KCNJ11: variants seen among roughly 807,000 people sequenced by gnomAD.
KCNJ11 encodes ATP-sensitive inward rectifier potassium channel 11.
KCNJ11 carries 12 observed loss-of-function variants against 17.3 expected under a neutral mutation model. The ratio of observed to expected loss-of-function variants is 0.69; its 90% confidence interval spans 0.44 to 1.12. The LOEUF (loss-of-function observed/expected upper bound fraction) is 1.12. Among genes scored for constraint, KCNJ11 ranks in the 50% most tolerant of loss-of-function variants. The probability of loss-of-function intolerance (pLI) is 0.00; values close to 1 mark genes in which losing one functional copy is unlikely to be tolerated. For missense variants in KCNJ11, 386 were observed against 554.1 expected, an observed-to-expected ratio of 0.70 and a Z score of 3.05; for synonymous variants, 211 against 223.4, an observed-to-expected ratio of 0.94 and a Z score of 0.50.
rs1372351727 is a variant in KCNJ11 at position 17,388,351 on chromosome 11, G to A, written c.-260C>T. The A allele has an allele frequency of 1.9e-6, 1 of 533,270 alleles. No homozygotes were observed. The allele number at this position is 533,270 out of a possible 1,614,324, so 33.0% of individuals were successfully genotyped here. A position where few individuals can be genotyped will look rare whatever the true frequency, so the allele number is the denominator to read the frequency against. ...AATCCCAGTACGTTGGGAGGCTGAG[G>A]AGGGCAGATCACTAGGTCAGGAGTT... On this transcript the variant is annotated 5_prime_UTR_variant, in exon 1 of 1. Transcript: ENST00000339994.
rs1429788186 is a variant in KCNJ11 at position 17,385,312 on chromosome 11, AT to A, written c.*1606del. 1.3e-5 allele frequency among the ~76,000 whole-genome samples: 2 copies of A among 152,242 alleles called. No homozygotes were observed. Among genetic ancestry groups the A allele is most frequent in the Non-Finnish European group, 2.9e-5 (2 of 68,044 alleles). On this transcript the variant is annotated 3_prime_UTR_variant, in exon 1 of 1. Transcript: ENST00000339994. Reference sequence around the variant, plus strand: ...TTCAGCAGCAATCACAATAGTTAACATTTATTGAGCACTTACTGTAGACCAG... The same window carrying A: ...TTCAGCAGCAATCACAATAGTTAACATTATTGAGCACTTACTGTAGACCAG...
rs770408379 is a variant in KCNJ11, at chr11:17,387,075, C to A, written c.1017G>T (p.Val339=). 65 of 1,614,086 alleles carry A rather than the reference C, an allele frequency of 4.0e-5. No homozygotes were observed. The African/African-American group carries it at 7.2e-4, about 18-fold the overall frequency. Residue 339 remains valine (V), a synonymous_variant, in exon 1 of 1, where the codon GTG becomes GTT. Coordinates refer to ENST00000339994, the MANE Select transcript of KCNJ11 (RefSeq NM_000525.4). The part of the protein sequence containing the change: ...DYSKFGNTVK[V]PTPLCTARQL... ...GGCGGGCCGTGCAGAGTGGTGTGGG[C>A]ACTTTGACGGTGTTGCCAAACTTGG... is the stretch of plus-strand genomic sequence containing the variant.
chr11:17,386,921 A>G lies in KCNJ11; in HGVS notation c.1171T>C (p.Ter391ArgextTer93). 1.2e-6 allele frequency: 2 copies of G among 1,611,774 alleles called. No individual in the cohort carries two copies. The highest frequency in any genetic ancestry group is 1.7e-6 in the Non-Finnish European group (2 of 1,178,876). The change falls in exon 1 of 1, where the codon TGA (stop) becomes CGA (arginine). Residue 391 changes from the stop codon to arginine, a stop_lost. Transcript: ENST00000339994. ...KFSISPDSLS[*>R] ...TGGGGGGCCCGAGAGACCATGGCTC[A>G]GGACAGGGAATCTGGAGAGATGCTG...
At chr11:17,388,829 C>T, upstream of KCNJ11, 1 of 456,242 alleles carries the variant, frequency 2.2e-6, no homozygotes, top group Non-Finnish European at 4.4e-6. Flanking sequence ...ACCTCCGGGT[C>T]TCCCGCCTCA....
rs1014454531 is a variant in KCNJ11 at position 17,387,790 on chromosome 11, G to T, written c.302C>A (p.Ala101Asp). 1.8e-5 allele frequency: 29 copies of T among 1,614,012 alleles called. No individual in the cohort carries two copies. In the Admixed American group the frequency reaches 3.8e-4, roughly 21 times the overall value. ...GGGCTCAGCAGTGCCCTCGCTGGGG[G>T]CCAGGTCACCGTGGGCGAAGGCGAT... ...WLIAFAHGDL[A>D]PSEGTAEPCV... The change falls in exon 1 of 1, where the codon GCC becomes GAC. Residue 101 changes from alanine to aspartate, a missense_variant. Coordinates refer to ENST00000339994, the MANE Select transcript of KCNJ11 (RefSeq NM_000525.4).
In KCNJ11 at chr11:17,387,902, C is replaced by A. The variant is rs115716690; in HGVS notation, c.190G>T (p.Val64Leu). The A allele has an allele frequency of 1.9e-5, 30 of 1,608,800 alleles. 1 individual carries two copies. The African/African-American group carries it at 3.3e-4, about 18-fold the overall frequency. Residue 64 changes from valine to leucine, a missense_variant, in exon 1 of 1, where the codon GTG (valine) becomes TTG (leucine). Coordinates refer to ENST00000339994, the MANE Select transcript of KCNJ11 (RefSeq NM_000525.4). ...AATGTGTGTGGCCACTTGAGGTCCA[C>A]CAGCGTGGTGAACACGTCCTGCAGG... ...RFLQDVFTTL[V>L]DLKWPHTLLI...
Position 17,388,115 on chromosome 11 carries a change from G to T in KCNJ11, c.-24C>A. 3 of 1,601,236 alleles carry T rather than the reference G, an allele frequency of 1.9e-6. No homozygotes were observed. Among genetic ancestry groups the T allele is most frequent in the Non-Finnish European group, 2.6e-6 (3 of 1,173,098 alleles). On this transcript the variant is annotated 5_prime_UTR_variant, in exon 1 of 1. Coordinates refer to ENST00000339994, the MANE Select transcript of KCNJ11 (RefSeq NM_000525.4). ...ATGGCTCCGGTGACCCCCAGGGAGG[G>T]GCTTCCCCCATCGGAGGCACCCCTC...
chr11:17,387,064 A>G lies in KCNJ11; in HGVS notation c.1028T>C (p.Leu343Pro). Residue 343 changes from leucine to proline, a missense_variant, in exon 1 of 1, where the codon CTC becomes CCC. Coordinates refer to ENST00000339994, the MANE Select transcript of KCNJ11 (RefSeq NM_000525.4). The part of the protein sequence containing the change: ...FGNTVKVPTP[L>P]CTARQLDEDH... ...CTCATCAAGCTGGCGGGCCGTGCAG[A>G]GTGGTGTGGGCACTTTGACGGTGTT... 1.2e-6 allele frequency: 2 copies of G among 1,614,154 alleles called. No homozygotes were observed. Among genetic ancestry groups the G allele is most frequent in the Non-Finnish European group, 1.7e-6 (2 of 1,180,006 alleles).
rs1953567761 is a variant in KCNJ11 at position 17,386,967 on chromosome 11, C to G, written c.1125G>C (p.Met375Ile). ...RGPLRKRSVP[M>I]AKAKPKFSIS... ...TGCTGAACTTGGGCTTGGCCTTGGC[C>G]ATGGGCACGCTGCGCTTGCGCAGGG... Residue 375 changes from methionine to isoleucine, a missense_variant, in exon 1 of 1, where the codon ATG becomes ATC. Coordinates refer to ENST00000339994, the MANE Select transcript of KCNJ11 (RefSeq NM_000525.4). The G allele has an allele frequency of 2.5e-6, 4 of 1,613,436 alleles. No homozygotes were observed. Among genetic ancestry groups the G allele is most frequent in the Non-Finnish European group, 8.5e-7 (1 of 1,179,668 alleles).
In KCNJ11 at chr11:17,386,996, C is replaced by T. The variant is rs149141985; in HGVS notation, c.1096G>A (p.Gly366Arg). 1.2e-5 allele frequency: 19 copies of T among 1,613,680 alleles called. No individual in the cohort carries two copies. The highest frequency in any genetic ancestry group is 4.0e-5 in the African/African-American group (3 of 74,918). ...LEALTLASAR[G>R]PLRKRSVPMA... The stretch of plus-strand genomic sequence containing the variant: ...GGCACGCTGCGCTTGCGCAGGGGCC[C>T]GCGGGCTGAGGCGAGGGTCAGAGCT... The change falls in exon 1 of 1, where the codon GGG (glycine) becomes AGG (arginine). Residue 366 changes from glycine (G) to arginine (R), a missense_variant. Gly to Arg is a moderately radical substitution (Grantham distance 125). Coordinates refer to ENST00000339994, the MANE Select transcript of KCNJ11 (RefSeq NM_000525.4).
In KCNJ11 at chr11:17,386,814, G is replaced by T; in HGVS notation, c.*105C>A. 1 of 951,806 alleles carries T rather than the reference G, an allele frequency of 1.1e-6. No individual in the cohort carries two copies. Among genetic ancestry groups the T allele is most frequent in the Non-Finnish European group, 1.6e-6 (1 of 635,486 alleles). The allele number at this position is 951,806 out of a possible 1,614,324, so 59.0% of individuals were successfully genotyped here. On this transcript the variant is annotated 3_prime_UTR_variant, in exon 1 of 1. Transcript: ENST00000339994. ...TAACACCCTGGATGAGCAGCAGGGG[G>T]AGGCTGAGCTGAGGCTGGCCCAGCC...
At position 17,385,835 on chromosome 11, in the gene KCNJ11, A is replaced by G. The variant is rs996005772; in HGVS notation, c.*1084T>C. ...CCACCAGCATGCTTGCTGCCTCCCC[A>G]GCAAGAAAAGCCCAGAGTTTAGGTC... On this transcript the variant is annotated 3_prime_UTR_variant, in exon 1 of 1. Transcript: ENST00000339994. 2.0e-5 allele frequency: 3 copies of G among 152,330 alleles called. No individual in the cohort carries two copies. Among genetic ancestry groups the G allele is most frequent in the Non-Finnish European group, 2.9e-5 (2 of 68,132 alleles). 9.4% of individuals were successfully genotyped at this position (152,330 alleles called of 1,614,324 possible).
upstream of KCNJ11, chr11:17,388,676 C>T: frequency 2.7e-6 from 1 of 374,936 alleles, no homozygotes; most frequent in South Asian, 2.0e-5. Context: ...CCACCTGGCC[C>T]TGCGTCCTCC....
At position 17,388,114 on chromosome 11, in the gene KCNJ11, G is replaced by A; in HGVS notation, c.-23C>T. ...CATGGCTCCGGTGACCCCCAGGGAGGGGCTTCCCCCATCGGAGGCACCCCT... is the reference window on the plus strand; with the variant it reads ...CATGGCTCCGGTGACCCCCAGGGAGAGGCTTCCCCCATCGGAGGCACCCCT... On this transcript the variant is annotated 5_prime_UTR_variant, in exon 1 of 1. Coordinates refer to ENST00000339994, the MANE Select transcript of KCNJ11 (RefSeq NM_000525.4). The A allele has an allele frequency of 6.2e-7, 1 of 1,602,092 alleles. No individual in the cohort carries two copies. The highest frequency in any genetic ancestry group is 8.5e-7 in the Non-Finnish European group (1 of 1,173,794).
chr11:17,388,684 T>C (rs1591697011), upstream of KCNJ11: 1 of 356,398 alleles, frequency 2.8e-6, no homozygotes. Flanking sequence ...CCCTGCGTCC[T>C]CCCCCAGCTT....
chr11:17,387,748 T>C lies in KCNJ11; in HGVS notation c.344A>G (p.His115Arg), dbSNP rs374334444. 15 of 1,613,384 alleles carry C rather than the reference T, an allele frequency of 9.3e-6. No homozygotes were observed. The African/African-American group carries it at 1.6e-4, about 17-fold the overall frequency. Residue 115 changes from histidine to arginine, a missense_variant, in exon 1 of 1, where the codon CAC becomes CGC. Physicochemically the swap from His to Arg is conservative, Grantham distance 29. Coordinates refer to ENST00000339994, the MANE Select transcript of KCNJ11 (RefSeq NM_000525.4). ...GAAAAGGAAGGCAGACGAGAAGGAG[T>C]GGATGCTGGTGACACAGGGCTCAGC... ...GTAEPCVTSIHSFSSAFLFSI... is the reference protein window; with the variant it reads ...GTAEPCVTSIRSFSSAFLFSI...
rs748791717 is a variant in KCNJ11, at chr11:17,388,035, C to T, written c.57G>A (p.Glu19=). ...CACGGTACCTGGGCTTGGCAGGGTC[C>T]TCTGCCAGGCGTGTCAGCACGTATT... The part of the protein sequence containing the change: ...PEEYVLTRLA[E]DPAKPRYRAR... Residue 19 remains glutamate (E), a synonymous_variant, in exon 1 of 1, where the codon GAG becomes GAA. Coordinates refer to ENST00000339994, the MANE Select transcript of KCNJ11 (RefSeq NM_000525.4). The T allele has an allele frequency of 4.3e-6, 7 of 1,613,514 alleles. No homozygotes were observed. The highest frequency in any genetic ancestry group is 5.1e-6 in the Non-Finnish European group (6 of 1,179,992).
In KCNJ11 at chr11:17,386,800, A is replaced by G; in HGVS notation, c.*119T>C. ...TGACAAGTGCCTTGTAACACCCTGG[A>G]TGAGCAGCAGGGGGAGGCTGAGCTG... On this transcript the variant is annotated 3_prime_UTR_variant, in exon 1 of 1. Coordinates refer to ENST00000339994, the MANE Select transcript of KCNJ11 (RefSeq NM_000525.4). 3.6e-6 allele frequency: 3 copies of G among 824,100 alleles called. No individual in the cohort carries two copies. Among genetic ancestry groups the G allele is most frequent in the Non-Finnish European group, 1.9e-6 (1 of 524,836 alleles). The allele number at this position is 824,100 out of a possible 1,614,324, so 51.0% of individuals were successfully genotyped here.
In KCNJ11 at chr11:17,387,119, G is replaced by T. The variant is rs550315112; in HGVS notation, c.973C>A (p.Arg325Ser). The change falls in exon 1 of 1, where the codon CGT (arginine) becomes AGT (serine). Residue 325 changes from arginine to serine, a missense_variant. Transcript: ENST00000339994. The part of the protein sequence containing the change: ...FVPIVAEEDG[R>S]YSVDYSKFGN... ...AACTTGGAGTAGTCCACAGAGTAAC[G>T]TCCGTCCTCCTCAGCTACAATGGGC... The T allele has an allele frequency of 1.7e-5, 28 of 1,614,120 alleles. No individual in the cohort carries two copies. The highest frequency in any genetic ancestry group is 2.3e-5 in the Non-Finnish European group (27 of 1,180,046).
Sources: allele counts gnomAD v4.1 joint callset (sites outside exome capture counted in the v4.1 genomes callset), GRCh38; gene constraint gnomAD v4.1.1; transcripts MANE v1.5; gene names NCBI Gene and HGNC (gene_info 2026-07-23, HGNC 2026-07-21).